MAP3K9: variants seen among roughly 807,000 people sequenced by gnomAD.
The protein encoded by MAP3K9 is mixed lineage kinase 1 (tyr and ser/thr specificity).
MAP3K9 carries 46 observed loss-of-function variants against 95.8 expected under a neutral mutation model. That is an observed-to-expected ratio of 0.48 (90% confidence interval 0.38 to 0.61). MAP3K9 has a LOEUF of 0.61. Among genes scored for constraint, MAP3K9 ranks in the 20% least tolerant of loss-of-function variants. The probability of loss-of-function intolerance (pLI) is 0.00; values close to 1 mark genes in which losing one functional copy is unlikely to be tolerated. For missense variants in MAP3K9, 1,296 were observed against 1,474.3 expected, an observed-to-expected ratio of 0.88 and a Z score of 1.98; for synonymous variants, 533 against 593.8, an observed-to-expected ratio of 0.90 and a Z score of 1.49.
chr14:70,800,960 T>C lies in MAP3K9; in HGVS notation c.527A>G (p.Asp176Gly). Residue 176 changes from aspartate (D) to glycine (G), a missense_variant, in exon 2 of 12, where the codon GAC (aspartate) becomes GGC (glycine). Coordinates refer to ENST00000554752, the MANE Select transcript of MAP3K9 (RefSeq NM_001284230.2). ...GGTCTGGCTGATGTCCTCATCAGGG[T>C]CGTGGCGAGCTGCTTTCACAGCAAC... ...DEVAVKAARH[D>G]PDEDISQTIE... 6.2e-7 allele frequency: 1 copy of C among 1,614,058 alleles called. No individual in the cohort carries two copies. Among genetic ancestry groups the C allele is most frequent in the Non-Finnish European group, 8.5e-7 (1 of 1,180,024 alleles).
intron 2 of MAP3K9, among the ~76,000 whole-genome samples, chr14:70,787,405 G>A (rs1323113723): frequency 6.6e-6 from 1 of 151,778 alleles, no homozygotes; most frequent in African/African-American, 2.4e-5. Flanking sequence ...CTACTCGGGA[G>A]GCTGAGGCAG....
chr14:70,758,382 T>TA (rs1398813456), intron 3 of MAP3K9, among the ~76,000 whole-genome samples: 4 of 151,746 alleles, frequency 2.6e-5, no homozygotes, highest in South Asian at 2.1e-4. Flanking sequence ...ACTTTTTTTT[T>TA]AAAAAAAGGC....
chr14:70,807,837 A>T (rs1433253206), intron 1 of MAP3K9, among the ~76,000 whole-genome samples: 2 of 152,202 alleles, frequency 1.3e-5, no homozygotes, highest in Non-Finnish European at 2.9e-5. Flanking sequence ...AAAAAAAAGA[A>T]GATTTCATTA....
At chr14:70,742,886 A>G (rs976385343) in intron 5 of MAP3K9, among the ~76,000 whole-genome samples, 4 of 140,814 alleles carry the variant, frequency 2.8e-5, no homozygotes, top group African/African-American at 5.4e-5. Flanking sequence ...CTTCTTCATT[A>G]AAATTGCCTG....
chr14:70,789,829 C>T (rs1482583940), intron 2 of MAP3K9, among the ~76,000 whole-genome samples: 1 of 152,178 alleles, frequency 6.6e-6, no homozygotes, highest in Admixed American at 6.5e-5. Context: ...CTCACTCTTA[C>T]AGTATAGTGG....
chr14:70,733,153 A>G lies in MAP3K9; in HGVS notation c.2216T>C (p.Leu739Pro). ...STPQLTPTNSLKRGGAHHRRC... is the reference protein window; with the variant it reads ...STPQLTPTNSPKRGGAHHRRC... The stretch of plus-strand genomic sequence containing the variant: ...GCGGTGGTGGGCACCGCCCCGCTTG[A>G]GGCTGTTGGTTGGCGTCAGCTGAGG... Residue 739 changes from leucine (L) to proline (P), a missense_variant, in exon 11 of 12, where the codon CTC (leucine) becomes CCC (proline). By Grantham distance (98) the Leu-to-Pro change is moderately conservative (BLOSUM62 -3). Transcript: ENST00000554752. 6.2e-7 allele frequency: 1 copy of G among 1,612,750 alleles called. No homozygotes were observed. Among genetic ancestry groups the G allele is most frequent in the Non-Finnish European group, 8.5e-7 (1 of 1,179,134 alleles).
Position 70,800,917 on chromosome 14 carries a change from T to C in MAP3K9, c.570A>G (p.Gln190=), listed in dbSNP as rs2054921962. 2.5e-6 allele frequency: 4 copies of C among 1,614,246 alleles called. No homozygotes were observed. The highest frequency in any genetic ancestry group is 3.4e-6 in the Non-Finnish European group (4 of 1,180,048). The change falls in exon 2 of 12, where the codon CAA becomes CAG. Residue 190 remains glutamine, a synonymous_variant. Coordinates refer to ENST00000554752, the MANE Select transcript of MAP3K9 (RefSeq NM_001284230.2). The part of the protein sequence containing the change: ...DISQTIENVR[Q]EAKLFAMLKH... ...TCAGCATGGCGAAGAGCTTGGCCTC[T>C]TGGCGAACATTCTCTATGGTCTGGC... is the stretch of plus-strand genomic sequence containing the variant.
chr14:70,809,035 C>A lies in MAP3K9; in HGVS notation c.137G>T (p.Gly46Val). ...CAGCGGCGCGTCGCAGCCCAGCTCCCCGGGGCCCACCGCCGCCGCCGCCTC... is the reference window on the plus strand; with the variant it reads ...CAGCGGCGCGTCGCAGCCCAGCTCCACGGGGCCCACCGCCGCCGCCGCCTC... ...EEEAAAAVGP[G>V]ELGCDAPLPY... The change falls in exon 1 of 12, where the codon GGG (glycine) becomes GTG (valine). Residue 46 changes from glycine to valine, a missense_variant. This residue lies in a region of MAP3K9 where 338 missense variants were observed against 363.4 expected (regional missense o/e 0.93). Coordinates refer to ENST00000554752, the MANE Select transcript of MAP3K9 (RefSeq NM_001284230.2). The A allele has an allele frequency of 6.8e-7, 1 of 1,473,966 alleles. No homozygotes were observed. 91.3% of individuals were successfully genotyped at this position (1,473,966 alleles called of 1,614,324 possible).
rs1159993774 is a variant in MAP3K9, at chr14:70,733,289, G to A, written c.2080C>T (p.Pro694Ser). ...GSGESRLQHS[P>S]SQSYLCIPFP... is the part of the protein sequence containing the mutation. Reference sequence around the variant, plus strand: ...GGGATACAGAGGTAGGACTGGCTGGGTGAATGCTGTAGGCGACTCTCTCCA... The same window carrying A: ...GGGATACAGAGGTAGGACTGGCTGGATGAATGCTGTAGGCGACTCTCTCCA... The change falls in exon 11 of 12, where the codon CCC becomes TCC. Residue 694 changes from proline (P) to serine (S), a missense_variant. Physicochemically the swap from Pro to Ser is moderately conservative, Grantham distance 74. Coordinates refer to ENST00000554752, the MANE Select transcript of MAP3K9 (RefSeq NM_001284230.2). 2 of 1,605,224 alleles carry A rather than the reference G, an allele frequency of 1.2e-6. No homozygotes were observed. The highest frequency in any genetic ancestry group is 1.7e-5 in the Admixed American group (1 of 59,470).
chr14:70,786,107 T>C (rs1056472116), intron 2 of MAP3K9, among the ~76,000 whole-genome samples: 1 of 152,182 alleles, frequency 6.6e-6, no homozygotes, highest in Non-Finnish European at 1.5e-5. Context: ...GAAGCTTATG[T>C]GGGAAAATTT....
chr14:70,808,730 A>T, intron 1 of MAP3K9, 36 bp downstream of exon 1: 2 of 1,101,322 alleles, frequency 1.8e-6, no homozygotes, highest in Non-Finnish European at 2.3e-6. Flanking sequence ...GGCCTCCGTC[A>T]TTCCCCCTCC....
At chr14:70,805,383 A>C (rs534074222) in intron 1 of MAP3K9, among the ~76,000 whole-genome samples, 1 of 152,286 alleles carries the variant, frequency 6.6e-6, no homozygotes, top group Admixed American at 6.5e-5. Context: ...CTTTCATATA[A>C]TACCTAGGAT....
At chr14:70,798,918 A>G (rs1050944976) in intron 2 of MAP3K9, among the ~76,000 whole-genome samples, 1 of 152,242 alleles carries the variant, frequency 6.6e-6, no homozygotes, top group African/African-American at 2.4e-5. Context: ...CTTCACATGC[A>G]TCATATCTAA....
chr14:70,778,761 A>G (rs2054634374), intron 2 of MAP3K9, among the ~76,000 whole-genome samples: 1 of 152,228 alleles, frequency 6.6e-6, no homozygotes, highest in South Asian at 2.1e-4. Context: ...ATCTCTACTT[A>G]CAGATGAAGA....
At chr14:70,807,230 G>A (rs1432035704) in intron 1 of MAP3K9, among the ~76,000 whole-genome samples, 4 of 152,198 alleles carry the variant, frequency 2.6e-5, no homozygotes, top group African/African-American at 7.2e-5. Context: ...GGTGGCTCAC[G>A]CCTGTAATCC....
chr14:70,782,093 C>G (rs1176525632), intron 2 of MAP3K9, among the ~76,000 whole-genome samples: 2 of 152,270 alleles, frequency 1.3e-5, no homozygotes, highest in South Asian at 4.1e-4. Flanking sequence ...CCATCAAGGC[C>G]TCCCAGGGAA....
chr14:70,733,999 T>A (rs552843971), intron 10 of MAP3K9, among the ~76,000 whole-genome samples: 1 of 152,200 alleles, frequency 6.6e-6, no homozygotes, highest in Admixed American at 6.5e-5. Context: ...GCACTGCTGG[T>A]TTCCCTGGTG....
chr14:70,759,694 G>A (rs926209828), intron 3 of MAP3K9, among the ~76,000 whole-genome samples: 4 of 152,130 alleles, frequency 2.6e-5, no homozygotes, highest in African/African-American at 7.2e-5. Context: ...GCAGCCCTAG[G>A]AAACTAATAA....
Position 70,740,054 on chromosome 14 carries a change from G to C in MAP3K9, c.1678C>G (p.Arg560Gly). 1.9e-6 allele frequency: 3 copies of C among 1,614,200 alleles called. No individual in the cohort carries two copies. The highest frequency in any genetic ancestry group is 2.5e-6 in the Non-Finnish European group (3 of 1,180,034). ...GAAACAGTCTCACACTGGATGGCTC[G>C]AAGGCGAGGAATGATGGTGGGGCTT... ...PASPTIIPRLRAIQLTPGESS... is the reference protein window; with the variant it reads ...PASPTIIPRLGAIQLTPGESS... The change falls in exon 7 of 12, where the codon CGA becomes GGA. Residue 560 changes from arginine (R) to glycine (G), a missense_variant. By Grantham distance (125) the Arg-to-Gly change is moderately radical. Coordinates refer to ENST00000554752, the MANE Select transcript of MAP3K9 (RefSeq NM_001284230.2).
Sources: allele counts gnomAD v4.1 joint callset (sites outside exome capture counted in the v4.1 genomes callset), GRCh38; gene constraint gnomAD v4.1.1; regional missense constraint gnomAD v4.1.1; transcripts MANE v1.5; gene names NCBI Gene and HGNC (gene_info 2026-07-23, HGNC 2026-07-21).